The following MYCBP2 variants were observed in gnomAD, a reference collection of about 807,000 sequenced individuals.
MYCBP2 encodes MYC binding protein 2, also known as E3 ubiquitin-protein ligase MYCBP2.
Under a neutral mutation model 525.3 loss-of-function variants are expected in MYCBP2, and 120 were observed. That is an observed-to-expected ratio of 0.23 (90% CI 0.20 to 0.27). MYCBP2 has a LOEUF of 0.27. MYCBP2 is among the 10% of genes least tolerant of loss of function. The pLI is 1.00. For synonymous variants in MYCBP2, 1,894 were observed against 1,955.8 expected (o/e 0.97, Z 0.83); for missense variants, 4,149 against 5,657.1 (o/e 0.73, Z 8.55).
chr13:77,186,628 A>G (rs1387409234), intron 30 of MYCBP2, among the ~76,000 whole-genome samples: 1 of 152,080 alleles, frequency 6.6e-6, no homozygotes, highest in Non-Finnish European at 1.5e-5. Context: ...TCCTATTTTG[A>G]TTATTTAAAA....
chr13:77,111,898 T>C (rs17067210), intron 55 of MYCBP2, among the ~76,000 whole-genome samples: 6,384 of 152,208 alleles, frequency 0.042, 203 homozygotes, highest in East Asian at 0.13. Context: ...AAACTAAGTA[T>C]GGCTTACAAG....
intron 55 of MYCBP2, among the ~76,000 whole-genome samples, chr13:77,113,616 G>A (rs1357660559): frequency 1.3e-5 from 2 of 152,208 alleles, no homozygotes; most frequent in East Asian, 3.9e-4. Context: ...GCAAACAAAT[G>A]CACTGGGACA....
At chr13:77,277,603 C>CG (rs767732563) in intron 4 of MYCBP2, among the ~76,000 whole-genome samples, 1 of 152,038 alleles carries the variant, frequency 6.6e-6, no homozygotes, top group Non-Finnish European at 1.5e-5. Context: ...ATAGCCAAGT[C>CG]GGAAAAAAAG....
At chr13:77,238,166 C>G (rs964574951) in intron 17 of MYCBP2, among the ~76,000 whole-genome samples, 1 of 149,830 alleles carries the variant, frequency 6.7e-6, no homozygotes, top group African/African-American at 2.5e-5. Flanking sequence ...TGGTGTGAAC[C>G]CAGGAGGCGG....
chr13:77,061,089 A>T, intron 76 of MYCBP2, 80 bp downstream of exon 76: 1 of 1,404,064 alleles, frequency 7.1e-7, no homozygotes, highest in Non-Finnish European at 9.6e-7. Context: ...ACTCAAAATT[A>T]TTCACAGTTT....
chr13:77,144,703 C>T, intron 48 of MYCBP2, 143 bp from the exon 49 acceptor site: 3 of 640,414 alleles, frequency 4.7e-6, no homozygotes, highest in South Asian at 1.8e-5. Flanking sequence ...GCCTACTCTC[C>T]AAAATGCTTG....
chr13:77,273,010 A>G (rs1325099851), intron 5 of MYCBP2, among the ~76,000 whole-genome samples: 3 of 152,218 alleles, frequency 2.0e-5, no homozygotes, highest in African/African-American at 7.2e-5. Context: ...AAAATGTTTT[A>G]TACACAGCTG....
intron 1 of MYCBP2, among the ~76,000 whole-genome samples, chr13:77,307,607 C>T (rs1399861012): frequency 5.8e-5 from 5 of 85,940 alleles, no homozygotes; most frequent in South Asian, 9.0e-4. Flanking sequence ...GCCTGGATGA[C>T]AAAGTGAGAC....
In MYCBP2 at chr13:77,055,763, T is replaced by C; in HGVS notation, c.13442A>G (p.Lys4481Arg). The C allele has an allele frequency of 6.2e-7, 1 of 1,608,032 alleles. No homozygotes were observed. The highest frequency in any genetic ancestry group is 1.1e-5 in the South Asian group (1 of 90,468). Residue 4481 changes from lysine (K) to arginine (R), a missense_variant, in exon 80 of 83, where the codon AAA becomes AGA. Physicochemically the swap from Lys to Arg is conservative, Grantham distance 26. Around this residue, in one of 21 missense-constraint regions of MYCBP2, gnomAD observed 220 missense variants for 396.0 expected, o/e 0.56. Coordinates refer to ENST00000544440, the MANE Select transcript of MYCBP2 (RefSeq NM_015057.5). ...GFISCPICKN[K>R]INHIVLKDLL... ...GTCTTTTAGTACTATGTGATTAATT[T>C]TGTTCTGCAATAAAAAATGAACACT...
At chr13:77,314,003 T>C (rs549939721) in intron 1 of MYCBP2, among the ~76,000 whole-genome samples, 1 of 151,388 alleles carries the variant, frequency 6.6e-6, no homozygotes, top group African/African-American at 2.4e-5. Flanking sequence ...ATAGACAACA[T>C]CAAATGTTGG....
intron 63 of MYCBP2, among the ~76,000 whole-genome samples, chr13:77,082,555 G>A (rs1323518977): frequency 1.3e-5 from 2 of 152,024 alleles, no homozygotes; most frequent in Admixed American, 1.3e-4. Context: ...CAGTGTAAAA[G>A]CAATGCTAAA....
intron 16 of MYCBP2, 95 bp from the exon 17 acceptor site, chr13:77,243,255 C>T: frequency 1.1e-6 from 1 of 935,572 alleles, no homozygotes; most frequent in Non-Finnish European, 1.7e-6. Context: ...TAAAAGCTAG[C>T]AAAAACATTG....
intron 44 of MYCBP2, among the ~76,000 whole-genome samples, chr13:77,160,439 T>A (rs943345006): frequency 2.6e-5 from 4 of 152,202 alleles, no homozygotes; most frequent in African/African-American, 9.7e-5. Context: ...ATGAAATAAA[T>A]GTTTTCATTA....
At chr13:77,045,527 T>C in intron 82 of MYCBP2, 34 bp from the exon 83 acceptor site, 3 of 1,406,718 alleles carry the variant, frequency 2.1e-6, no homozygotes, top group South Asian at 2.3e-5. Flanking sequence ...AGGAAAATAA[T>C]GTTTTAAGAA....
intron 1 of MYCBP2, among the ~76,000 whole-genome samples, chr13:77,299,340 T>C (rs1184149589): frequency 2.6e-5 from 4 of 152,196 alleles, no homozygotes; most frequent in African/African-American, 9.6e-5. Flanking sequence ...ATTTAATTGG[T>C]TGTAACAATT....
chr13:77,126,249 A>C, intron 53 of MYCBP2, 69 bp downstream of exon 53: 50 of 1,348,772 alleles, frequency 3.7e-5, no homozygotes, highest in Non-Finnish European at 4.9e-5. Flanking sequence ...AACCTTTAGA[A>C]GAGATGCTTT....
intron 23 of MYCBP2, among the ~76,000 whole-genome samples, chr13:77,208,472 T>C (rs914671055): frequency 2.0e-5 from 3 of 152,204 alleles, no homozygotes; most frequent in Non-Finnish European, 2.9e-5. Flanking sequence ...AAATCTAAAA[T>C]GTTCACTGAT....
chr13:77,145,379 T>C (rs1370945916), intron 48 of MYCBP2, among the ~76,000 whole-genome samples: 2 of 152,222 alleles, frequency 1.3e-5, no homozygotes, highest in Non-Finnish European at 2.9e-5. Flanking sequence ...GTCAGTGTTT[T>C]GTTGCTTTCC....
intron 22 of MYCBP2, 144 bp from the exon 23 acceptor site, chr13:77,211,464 G>A: frequency 3.0e-6 from 1 of 338,796 alleles, no homozygotes; most frequent in Non-Finnish European, 4.9e-6. Context: ...TCTTTAAGTG[G>A]GAGAATTAGG....
Sources: allele counts gnomAD v4.1 joint callset (sites outside exome capture counted in the v4.1 genomes callset), GRCh38; gene constraint gnomAD v4.1.1; regional missense constraint gnomAD v4.1.1; transcripts MANE v1.5; gene names NCBI Gene and HGNC (gene_info 2026-07-23, HGNC 2026-07-21).